Variants in TECRL observed in about 807,000 individuals in gnomAD.
TECRL encodes trans-2,3-enoyl-CoA reductase-like.
TECRL carries 63 observed loss-of-function variants against 52.8 expected under a neutral mutation model. The ratio of observed to expected loss-of-function variants is 1.19; its 90% CI spans 0.97 to 1.47. The LOEUF is 1.47. Ranked by LOEUF, TECRL falls within the 40% of genes most tolerant of loss-of-function variation. The pLI is 0.00. For missense variants in TECRL, 482 were observed against 429.6 expected, an observed-to-expected ratio of 1.12 and a Z score of -1.08; for synonymous variants, 164 against 141.9, an observed-to-expected ratio of 1.16 and a Z score of -1.10.
At chr4:64,379,435 T>G (rs1722628849) in intron 1 of TECRL, among the ~76,000 whole-genome samples, 1 of 152,278 alleles carries the variant, frequency 6.6e-6, no homozygotes, top group African/African-American at 2.4e-5. Flanking sequence ...AAAACAGTAT[T>G]TAGAATATCC....
At chr4:64,280,233 C>T in intron 11 of TECRL, 34 bp from the exon 12 acceptor site, 3 of 1,296,402 alleles carry the variant, frequency 2.3e-6, no homozygotes, top group Non-Finnish European at 3.0e-6. Context: ...TTATTTCTTT[C>T]TTATTTCTAT....
chr4:64,367,049 C>A (rs1164405344), intron 2 of TECRL, among the ~76,000 whole-genome samples: 2 of 152,068 alleles, frequency 1.3e-5, no homozygotes, highest in African/African-American at 4.8e-5. Context: ...GAGTACTATG[C>A]AGCCATAAAA....
At chr4:64,379,231 AACACACACACACACATAC>A (rs1442524191) in intron 1 of TECRL, among the ~76,000 whole-genome samples, 1 of 115,004 alleles carries the variant, frequency 8.7e-6, no homozygotes, top group Non-Finnish European at 1.7e-5. Context: ...TATTTATGCA[AACACACACACACACATAC>A]ACACACACAC....
intron 2 of TECRL, among the ~76,000 whole-genome samples, chr4:64,365,587 G>A (rs764680204): frequency 1.3e-5 from 2 of 151,870 alleles, no homozygotes; most frequent in East Asian, 3.9e-4. Context: ...CACACCAATA[G>A]TACTAAAGCT....
At chr4:64,379,283 CACACTT>C (rs1428519770) in intron 1 of TECRL, among the ~76,000 whole-genome samples, 1 of 139,618 alleles carries the variant, frequency 7.2e-6, no homozygotes, top group Non-Finnish European at 1.6e-5. Flanking sequence ...CACACACACA[CACACTT>C]GACCCTTGAA....
At chr4:64,384,039 C>T (rs7684094) in intron 1 of TECRL, among the ~76,000 whole-genome samples, 98,607 of 151,944 alleles carry the variant, frequency 0.65, 33,597 homozygotes, top group Non-Finnish European at 0.75. Flanking sequence ...TTAGGCTGCA[C>T]TTGTAGGTGA....
intron 8 of TECRL, among the ~76,000 whole-genome samples, chr4:64,295,333 G>T (rs527587389): frequency 6.8e-6 from 1 of 147,842 alleles, no homozygotes; most frequent in Admixed American, 6.9e-5. Flanking sequence ...TTTTTTGCAT[G>T]AAACAATTAT....
chr4:64,390,875 A>C (rs1723500904), intron 1 of TECRL, among the ~76,000 whole-genome samples: 1 of 151,832 alleles, frequency 6.6e-6, no homozygotes, highest in South Asian at 2.1e-4. Flanking sequence ...AATATGACAA[A>C]TATGAAATGA....
At chr4:64,379,741 G>A (rs1414990057) in intron 1 of TECRL, among the ~76,000 whole-genome samples, 3 of 152,046 alleles carry the variant, frequency 2.0e-5, no homozygotes, top group African/African-American at 7.2e-5. Context: ...ATGAGAACAT[G>A]CAGTATTTGT....
At chr4:64,305,302 C>T (rs1724266058) in intron 6 of TECRL, 64 bp from the exon 7 acceptor site, 1 of 1,447,670 alleles carries the variant, frequency 6.9e-7, no homozygotes, top group South Asian at 1.2e-5. Flanking sequence ...TCAATTGTGA[C>T]ATACATTTAT....
intron 7 of TECRL, among the ~76,000 whole-genome samples, chr4:64,300,676 C>T (rs1011394235): frequency 2.7e-5 from 4 of 150,760 alleles, no homozygotes; most frequent in South Asian, 2.1e-4. Flanking sequence ...AGTTGCATTC[C>T]TATCTTCTCA....
chr4:64,377,319 T>G (rs1186148668), intron 1 of TECRL, among the ~76,000 whole-genome samples: 1 of 151,992 alleles, frequency 6.6e-6, no homozygotes, highest in African/African-American at 2.4e-5. Context: ...CTCTTTTCAG[T>G]CCTTTAGTTG....
intron 1 of TECRL, among the ~76,000 whole-genome samples, chr4:64,384,251 G>A (rs1723018368): frequency 6.6e-6 from 1 of 151,996 alleles, no homozygotes; most frequent in Admixed American, 6.6e-5. Context: ...TATTCAGCTG[G>A]TTAGGCAGGT....
At chr4:64,373,078 C>A (rs1447667396) in intron 2 of TECRL, among the ~76,000 whole-genome samples, 1 of 151,552 alleles carries the variant, frequency 6.6e-6, no homozygotes, top group Non-Finnish European at 1.5e-5. Context: ...CAAATACATT[C>A]TTTTAAATAC....
chr4:64,339,478 T>C (rs936778269), intron 2 of TECRL, among the ~76,000 whole-genome samples: 1 of 151,978 alleles, frequency 6.6e-6, no homozygotes, highest in African/African-American at 2.4e-5. Flanking sequence ...ATATTTGTTT[T>C]CCATTTTCCT....
intron 1 of TECRL, among the ~76,000 whole-genome samples, chr4:64,401,609 C>G (rs980925004): frequency 6.6e-6 from 1 of 152,078 alleles, no homozygotes; most frequent in Non-Finnish European, 1.5e-5. Flanking sequence ...TGTTATCTGT[C>G]TTTCCAATTA....
intron 2 of TECRL, among the ~76,000 whole-genome samples, chr4:64,353,712 G>T (rs1261428743): frequency 2.6e-5 from 4 of 152,058 alleles, no homozygotes; most frequent in African/African-American, 9.7e-5. Context: ...GGAAAGTTCT[G>T]GGAATCAGTT....
chr4:64,370,582 C>T (rs901545483), intron 2 of TECRL, among the ~76,000 whole-genome samples: 3 of 151,680 alleles, frequency 2.0e-5, no homozygotes, highest in Non-Finnish European at 4.4e-5. Context: ...CTAGTCCACA[C>T]AAAATCAGTG....
intron 1 of TECRL, among the ~76,000 whole-genome samples, chr4:64,379,256 ACACAC>A (rs1722615075): frequency 7.9e-6 from 1 of 126,312 alleles, no homozygotes; most frequent in South Asian, 2.2e-4. Context: ...ATACACACAC[ACACAC>A]ACACACACAC....
Sources: gnomAD v4.1 joint callset for allele counts (sites outside exome capture counted in the v4.1 genomes callset) on GRCh38, gnomAD v4.1.1 for gene constraint, MANE v1.5 for transcripts, NCBI Gene and HGNC (gene_info 2026-07-23, HGNC 2026-07-21) for gene names.